The following GRID2 variants were observed in gnomAD, a reference collection of about 807,000 sequenced individuals.
GRID2 encodes glutamate receptor ionotropic, delta-2.
Under a neutral mutation model 114.8 loss-of-function variants are expected in GRID2, and 33 were observed. The observed-to-expected ratio is 0.29, with a 90% CI of 0.22 to 0.38. The LOEUF (loss-of-function observed/expected upper bound fraction) is 0.38, where lower values mean the gene tolerates loss of function less well. Among genes scored for constraint, GRID2 ranks in the 10% least tolerant of loss-of-function variants. The pLI, the probability that GRID2 is intolerant of heterozygous loss-of-function variation, is 1.00. For synonymous variants in GRID2, 505 were observed against 449.9 expected, an observed-to-expected ratio of 1.12 and a Z score of -1.55; for missense variants, 1,184 against 1,257.7, an observed-to-expected ratio of 0.94 and a Z score of 0.89.
intron 8 of GRID2, among the ~76,000 whole-genome samples, chr4:93,317,373 A>G (rs1195648425): frequency 2.0e-5 from 3 of 151,492 alleles, no homozygotes; most frequent in African/African-American, 7.3e-5. Flanking sequence ...TTATTGTACC[A>G]TCATGCTCTG....
intron 2 of GRID2, among the ~76,000 whole-genome samples, chr4:92,820,502 CAAAG>C (rs1247807447): frequency 3.3e-5 from 5 of 152,024 alleles, no homozygotes; most frequent in African/African-American, 4.8e-5. Flanking sequence ...CAAATGAAAA[CAAAG>C]AAAGAAAACA....
At position 93,236,166 on chromosome 4, in the gene GRID2, A is replaced by G. The variant is rs374413157; in HGVS notation, c.1126-2205A>G. On this transcript the variant is annotated intron_variant, in intron 7 of 15. Coordinates refer to ENST00000282020, the MANE Select transcript of GRID2 (RefSeq NM_001510.4). ...ACAGTATTTGTCATTTGGAGATACT[A>G]ATGATAATAAGATGCACTGCACTTA... Among the ~76,000 whole-genome samples, 6 of 152,216 alleles carry G rather than the reference A, an allele frequency of 3.9e-5. No homozygotes were observed. The South Asian group carries it at 1.2e-3, about 32-fold the overall frequency.
intron 1 of GRID2, among the ~76,000 whole-genome samples, chr4:92,403,663 G>T (rs1253258000): frequency 6.6e-6 from 1 of 151,360 alleles, no homozygotes; most frequent in African/African-American, 2.4e-5. Flanking sequence ...CTGTACTCCA[G>T]CCTGGGGGAC....
At chr4:93,778,691 C>T (rs566500674), downstream of GRID2, among the ~76,000 whole-genome samples, 6 of 152,248 alleles carry the variant, frequency 3.9e-5, no homozygotes, top group Non-Finnish European at 7.4e-5. Flanking sequence ...AGCCACCACG[C>T]CCAGTCTTAT....
At chr4:92,320,615 C>T (rs1242008750) in intron 1 of GRID2, among the ~76,000 whole-genome samples, 5 of 151,980 alleles carry the variant, frequency 3.3e-5, no homozygotes, top group Non-Finnish European at 5.9e-5. Context: ...ACAGGGATTA[C>T]AGGCACACGC....
At chr4:92,674,527 A>G (rs970268963) in intron 2 of GRID2, among the ~76,000 whole-genome samples, 4 of 151,778 alleles carry the variant, frequency 2.6e-5, no homozygotes, top group Admixed American at 6.6e-5. Context: ...ATTTATTATT[A>G]CTATTTTTTA....
chr4:93,186,109 T>C (rs1740393145), intron 4 of GRID2, among the ~76,000 whole-genome samples: 1 of 152,210 alleles, frequency 6.6e-6, no homozygotes, highest in Admixed American at 6.5e-5. Flanking sequence ...TAGTATTCCA[T>C]GGTGTATATG....
chr4:92,884,997 A>C (rs541866823), intron 2 of GRID2: 1 of 263,802 alleles, frequency 3.8e-6, no homozygotes, highest in Non-Finnish European at 7.7e-6. Flanking sequence ...AGGATTAATT[A>C]CTGCTGCACA....
chr4:92,524,131 T>A (rs1209189308), intron 1 of GRID2, among the ~76,000 whole-genome samples: 1 of 152,042 alleles, frequency 6.6e-6, no homozygotes, highest in African/African-American at 2.4e-5. Flanking sequence ...GATGGAGCCC[T>A]AAGAGTTGTC....
At chr4:92,947,712 G>C (rs543816568) in intron 2 of GRID2, among the ~76,000 whole-genome samples, 25 of 151,646 alleles carry the variant, frequency 1.6e-4, no homozygotes, top group South Asian at 1.0e-3. Flanking sequence ...GTGTGTGCGT[G>C]TATATGTGTG....
At chr4:93,597,997 T>G (rs1439661642) in intron 13 of GRID2, among the ~76,000 whole-genome samples, 1 of 152,204 alleles carries the variant, frequency 6.6e-6, no homozygotes, top group Non-Finnish European at 1.5e-5. Context: ...GCCTTATTCC[T>G]TAATAATATC....
intron 2 of GRID2, among the ~76,000 whole-genome samples, chr4:92,937,055 A>G (rs1578528551): frequency 6.8e-6 from 1 of 146,252 alleles, no homozygotes; most frequent in African/African-American, 2.4e-5. Context: ...TTGACTTGTG[A>G]AAGTTCTTTA....
intron 2 of GRID2, among the ~76,000 whole-genome samples, chr4:92,878,176 C>T (rs1745766203): frequency 6.6e-6 from 1 of 152,008 alleles, no homozygotes; most frequent in African/African-American, 2.4e-5. Context: ...ACCAGGATGT[C>T]ACTTGAACAA....
At chr4:92,389,311 T>G (rs941892543) in intron 1 of GRID2, among the ~76,000 whole-genome samples, 3 of 152,038 alleles carry the variant, frequency 2.0e-5, no homozygotes, top group African/African-American at 7.2e-5. Flanking sequence ...AGTATGGGGT[T>G]TGAAAATTTA....
At chr4:92,548,772 G>C (rs1431894264) in intron 1 of GRID2, among the ~76,000 whole-genome samples, 2 of 151,972 alleles carry the variant, frequency 1.3e-5, no homozygotes, top group Non-Finnish European at 2.9e-5. Context: ...GGCAGCATCT[G>C]GTCATATTCT....
intron 13 of GRID2, among the ~76,000 whole-genome samples, chr4:93,532,126 A>G (rs971498227): frequency 2.2e-4 from 33 of 152,216 alleles, no homozygotes; most frequent in Non-Finnish European, 1.5e-5. Flanking sequence ...CATAATTTGT[A>G]ATTTACCCCA....
chr4:93,146,505 T>C (rs1736271716), intron 4 of GRID2, among the ~76,000 whole-genome samples: 1 of 150,488 alleles, frequency 6.6e-6, no homozygotes, highest in Non-Finnish European at 1.5e-5. Flanking sequence ...GGAATTTACG[T>C]TCAAATTCAA....
intron 13 of GRID2, among the ~76,000 whole-genome samples, chr4:93,535,741 G>T (rs561369401): frequency 6.6e-5 from 10 of 151,782 alleles, no homozygotes; most frequent in Non-Finnish European, 1.5e-4. Context: ...TTTTATTTGG[G>T]TTAATTGTTT....
In GRID2 at chr4:93,040,087, A is replaced by G. The variant is rs537017323; in HGVS notation, c.245-44908A>G. Among the ~76,000 whole-genome samples, 4 of 152,246 alleles carry G rather than the reference A, an allele frequency of 2.6e-5. No homozygotes were observed. The East Asian group carries it at 5.8e-4, about 22-fold the overall frequency. On this transcript the variant is annotated intron_variant, in intron 2 of 15. Transcript: ENST00000282020. ...TTTCTATGTAGTTTAGATTTAGTTC[A>G]TTGGACTGATTTATGTTCTGTGTTC...
Sources: allele counts gnomAD v4.1 joint callset (sites outside exome capture counted in the v4.1 genomes callset), GRCh38; gene constraint gnomAD v4.1.1; transcripts MANE v1.5; gene names NCBI Gene and HGNC (gene_info 2026-07-23, HGNC 2026-07-21).